GDF6: variants seen among roughly 807,000 people sequenced by gnomAD.
The protein encoded by GDF6 is growth differentiation factor 6.
GDF6 carries 3 observed loss-of-function variants against 32.4 expected under a neutral mutation model. That is an observed-to-expected ratio of 0.09 (90% CI 0.04 to 0.24). The LOEUF (loss-of-function observed/expected upper bound fraction) is 0.24, where lower values mean the gene tolerates loss of function less well. Among genes scored for constraint, GDF6 ranks in the 10% least tolerant of loss-of-function variants. The pLI is 1.00. For missense variants in GDF6, 589 were observed against 637.9 expected, an observed-to-expected ratio of 0.92 and a Z score of 0.83; for synonymous variants, 296 against 295.3, an observed-to-expected ratio of 1.00 and a Z score of -0.03.
chr8:96,159,734 C>G (rs1812727460), intron 1 of GDF6, among the ~76,000 whole-genome samples: 2 of 152,252 alleles, frequency 1.3e-5, no homozygotes, highest in African/African-American at 4.8e-5. Flanking sequence ...CCACCCAGCG[C>G]AGGGACCAAC....
intron 1 of GDF6, among the ~76,000 whole-genome samples, chr8:96,150,917 A>G (rs1179605607): frequency 6.6e-6 from 1 of 152,156 alleles, no homozygotes; most frequent in South Asian, 2.1e-4. Context: ...CATTTTCTCA[A>G]CTAAGTCTCT....
chr8:96,156,222 C>G (rs1812659077), intron 1 of GDF6, among the ~76,000 whole-genome samples: 1 of 152,196 alleles, frequency 6.6e-6, no homozygotes, highest in Non-Finnish European at 1.5e-5. Context: ...TATTTCAAAG[C>G]CATCTGGAAA....
In GDF6 at chr8:96,144,801, T is replaced by C; in HGVS notation, c.1130A>G (p.Glu377Gly). Reference sequence around the variant, plus strand: ...ACCCTCGCAGTGATAGGCCTCGTACTCCAGGGGCGCGATAATCCAGTCGTC... The same window carrying C: ...ACCCTCGCAGTGATAGGCCTCGTACCCCAGGGGCGCGATAATCCAGTCGTC... Reference protein sequence around the residue: ...GWDDWIIAPLEYEAYHCEGVC... With the variant: ...GWDDWIIAPLGYEAYHCEGVC... Residue 377 changes from glutamate (E) to glycine (G), a missense_variant, in exon 2 of 2, where the codon GAG (glutamate) becomes GGG (glycine). Physicochemically the swap from Glu to Gly is moderately conservative, Grantham distance 98. Transcript: ENST00000287020. This position sits in a 1 kb window ranked among gnomAD's most constrained non-coding sequence, Gnocchi z 5.1. The C allele has an allele frequency of 1.9e-6, 3 of 1,614,056 alleles. No individual in the cohort carries two copies. The highest frequency in any genetic ancestry group is 2.5e-6 in the Non-Finnish European group (3 of 1,179,992).
Position 96,145,381 on chromosome 8 carries a change from G to C in GDF6, c.550C>G (p.Leu184Val). ...AGGCAAGGGAAGAGCTGCACGTGGA[G>C]CGGCCCGGCTGGTGGCCCCCAGGGC... ...SAPWGPPAGP[L>V]HVQLFPCLSP... is the part of the protein sequence containing the mutation. The change falls in exon 2 of 2, where the codon CTC (leucine) becomes GTC (valine). Residue 184 changes from leucine (L) to valine (V), a missense_variant. Around this residue, in one of 2 missense-constraint regions of GDF6, gnomAD observed 436 missense variants for 411.2 expected, o/e 1.06. Coordinates refer to ENST00000287020, the MANE Select transcript of GDF6 (RefSeq NM_001001557.4). This position sits in a 1 kb window ranked among gnomAD's most constrained non-coding sequence, Gnocchi z 5.6. The C allele has an allele frequency of 6.4e-7, 1 of 1,570,228 alleles. No individual in the cohort carries two copies. The highest frequency in any genetic ancestry group is 8.6e-7 in the Non-Finnish European group (1 of 1,165,508).
At chr8:96,157,385 G>A (rs1812685599) in intron 1 of GDF6, among the ~76,000 whole-genome samples, 1 of 152,154 alleles carries the variant, frequency 6.6e-6, no homozygotes, top group African/African-American at 2.4e-5. Flanking sequence ...GTGTAACTTT[G>A]GGGTTTCCGG....
chr8:96,142,834 T>C lies in GDF6; in HGVS notation c.*1729A>G, dbSNP rs1812395891. The C allele has an allele frequency of 6.6e-6, 1 of 152,346 alleles. No individual in the cohort carries two copies. The highest frequency in any genetic ancestry group is 2.4e-5 in the African/African-American group (1 of 41,460). 9.4% of individuals were successfully genotyped at this position (152,346 alleles called of 1,614,324 possible). A position where few individuals can be genotyped will look rare whatever the true frequency, so the allele number is the denominator to read the frequency against. The stretch of plus-strand genomic sequence containing the variant: ...AGCATTTCTTATCATCCCCACCCTT[T>C]CTTTGACAGTTTGTAGTTCTCTGAA... On this transcript the variant is annotated 3_prime_UTR_variant, in exon 2 of 2. Transcript: ENST00000287020.
At position 96,160,744 on chromosome 8, in the gene GDF6, G is replaced by T; in HGVS notation, c.-52C>A. ...GGAGGCGGTGGCGGCGGCGCAGGAC[G>T]CGCGGGGCACGGAGCGGCTGGACAG... On this transcript the variant is annotated 5_prime_UTR_variant, in exon 1 of 2. Transcript: ENST00000287020. 6.3e-7 allele frequency: 1 copy of T among 1,589,460 alleles called. No homozygotes were observed.
Position 96,145,207 on chromosome 8 carries a change from C to G in GDF6, c.724G>C (p.Ala242Pro). ...CGCGCGCGCGCCTCGGCCTCCCCGG[C>G]GTCCAGCTCGCCCCATGCGGCCCGC... ...ELRAAWGELD[A>P]GEAEARARGP... Residue 242 changes from alanine to proline, a missense_variant, in exon 2 of 2, where the codon GCC becomes CCC. Physicochemically the swap from Ala to Pro is conservative, Grantham distance 27 (BLOSUM62 -1). Coordinates refer to ENST00000287020, the MANE Select transcript of GDF6 (RefSeq NM_001001557.4). This position sits in a 1 kb window ranked among gnomAD's most constrained non-coding sequence, Gnocchi z 5.6. 1 of 1,502,102 alleles carries G rather than the reference C, an allele frequency of 6.7e-7. No individual in the cohort carries two copies. Among genetic ancestry groups the G allele is most frequent in the Non-Finnish European group, 8.8e-7 (1 of 1,133,310 alleles). 93.0% of individuals were successfully genotyped at this position (1,502,102 alleles called of 1,614,324 possible). A position where few individuals can be genotyped will look rare whatever the true frequency, so the allele number is the denominator to read the frequency against.
chr8:96,159,238 T>C (rs1812720006), intron 1 of GDF6, among the ~76,000 whole-genome samples: 1 of 152,272 alleles, frequency 6.6e-6, no homozygotes, highest in Admixed American at 6.5e-5. Context: ...TTCCTTTCCT[T>C]TTTCTCCCTT....
At position 96,144,289 on chromosome 8, in the gene GDF6, A is replaced by AGAGG. The variant is rs1370445465; in HGVS notation, c.*273_*274insCCTC. The AGAGG allele has an allele frequency of 2.1e-4, 105 of 495,986 alleles. 3 individuals carry two copies. The African/African-American group carries it at 2.3e-3, about 11-fold the overall frequency. The allele number at this position is 495,986 out of a possible 1,614,324, so 30.7% of individuals were successfully genotyped here. A position where few individuals can be genotyped will look rare whatever the true frequency, so the allele number is the denominator to read the frequency against. On this transcript the variant is annotated 3_prime_UTR_variant, in exon 2 of 2. Coordinates refer to ENST00000287020, the MANE Select transcript of GDF6 (RefSeq NM_001001557.4). The surrounding 1 kb of genome is among the most constrained non-coding windows in gnomAD (Gnocchi z 5.1). ...GAGAGAGAGAGAGAGAGAGAGAGAG[A>AGAGG]GAAAACAGAACAAAAGAAATCCTCC...
chr8:96,150,688 G>A (rs1026963955), intron 1 of GDF6, among the ~76,000 whole-genome samples: 6 of 152,202 alleles, frequency 3.9e-5, no homozygotes, highest in Non-Finnish European at 2.9e-5. Flanking sequence ...GTCCTGCAGC[G>A]CAAGAGACAG....
In GDF6 at chr8:96,144,242, A is replaced by AAGAGAGAG. The variant is rs886063199; in HGVS notation, c.*320_*321insCTCTCTCT. ...ACATAAGGAAATCCAAAGCCACAGT[A>AAGAGAGAG]ATAGAGAGAGAGAGAGAGAGAGAGA... On this transcript the variant is annotated 3_prime_UTR_variant, in exon 2 of 2. Transcript: ENST00000287020. The surrounding 1 kb of genome is among the most constrained non-coding windows in gnomAD (Gnocchi z 5.1). The AAGAGAGAG allele has an allele frequency of 2.4e-3, 455 of 190,032 alleles. 7 individuals are homozygous for AAGAGAGAG. Among genetic ancestry groups the AAGAGAGAG allele is most frequent in the African/African-American group, 0.022 (387 of 17,428 alleles). The allele number at this position is 190,032 out of a possible 1,614,324, so 11.8% of individuals were successfully genotyped here.
chr8:96,158,641 C>T (rs994112114), intron 1 of GDF6, among the ~76,000 whole-genome samples: 3 of 152,200 alleles, frequency 2.0e-5, no homozygotes, highest in African/African-American at 4.8e-5. Flanking sequence ...CTCTGAGCTT[C>T]CTTAGCCTCC....
At chr8:96,151,333 A>G (rs1812565599) in intron 1 of GDF6, among the ~76,000 whole-genome samples, 1 of 152,228 alleles carries the variant, frequency 6.6e-6, no homozygotes, top group Admixed American at 6.5e-5. Context: ...GGCATGATCT[A>G]AATTCTTAAC....
rs1370882062 is a variant in GDF6, at chr8:96,145,177, G to A, written c.754C>T (p.Pro252Ser). 2 of 1,498,766 alleles carry A rather than the reference G, an allele frequency of 1.3e-6. No individual in the cohort carries two copies. Among genetic ancestry groups the A allele is most frequent in the East Asian group, 5.4e-5 (2 of 37,038 alleles). 92.8% of individuals were successfully genotyped at this position (1,498,766 alleles called of 1,614,324 possible). The change falls in exon 2 of 2, where the codon CCC becomes TCC. Residue 252 changes from proline to serine, a missense_variant. Physicochemically the swap from Pro to Ser is moderately conservative, Grantham distance 74. Transcript: ENST00000287020. The surrounding 1 kb of genome is among the most constrained non-coding windows in gnomAD (Gnocchi z 5.6). ...AGEAEARARG[P>S]QQPPPPDLRS... is the part of the protein sequence containing the mutation. Reference sequence around the variant, plus strand: ...AGGTCCGGGGGCGGCGGTTGCTGGGGTCCCCGCGCGCGCGCCTCGGCCTCC... The same window carrying A: ...AGGTCCGGGGGCGGCGGTTGCTGGGATCCCCGCGCGCGCGCCTCGGCCTCC...
At chr8:96,148,982 C>A (rs1227067137) in intron 1 of GDF6, among the ~76,000 whole-genome samples, 1 of 152,200 alleles carries the variant, frequency 6.6e-6, no homozygotes, top group Admixed American at 6.5e-5. Context: ...AATACAACAC[C>A]ATGCACTGTT....
In GDF6 at chr8:96,144,205, A is replaced by G; in HGVS notation, c.*358T>C. On this transcript the variant is annotated 3_prime_UTR_variant, in exon 2 of 2. Coordinates refer to ENST00000287020, the MANE Select transcript of GDF6 (RefSeq NM_001001557.4). This position sits in a 1 kb window ranked among gnomAD's most constrained non-coding sequence, Gnocchi z 5.1. The stretch of plus-strand genomic sequence containing the variant: ...CTCTCCTCCCCTCCCCTTCTATCAA[A>G]GCCTGTAAGACACATAAGGAAATCC... 1 of 246,998 alleles carries G rather than the reference A, an allele frequency of 4.0e-6. No individual in the cohort carries two copies. The highest frequency in any genetic ancestry group is 9.9e-5 in the East Asian group (1 of 10,138). 15.3% of individuals were successfully genotyped at this position (246,998 alleles called of 1,614,324 possible).
intron 1 of GDF6, among the ~76,000 whole-genome samples, chr8:96,151,967 G>A (rs1199816877): frequency 6.6e-6 from 1 of 152,182 alleles, no homozygotes; most frequent in African/African-American, 2.4e-5. Flanking sequence ...AGTACATAGA[G>A]ACGTCCAGTG....
At chr8:96,147,908 G>T (rs1812510128) in intron 1 of GDF6, among the ~76,000 whole-genome samples, 1 of 152,190 alleles carries the variant, frequency 6.6e-6, no homozygotes, top group African/African-American at 2.4e-5. Flanking sequence ...GTTTGCCACT[G>T]GCTGGAGTGC....
Sources: gnomAD v4.1 joint callset for allele counts (sites outside exome capture counted in the v4.1 genomes callset) on GRCh38, gnomAD v4.1.1 for gene constraint, gnomAD v4.1.1 regional missense constraint, Gnocchi (gnomAD v3.1) non-coding constraint, MANE v1.5 for transcripts, NCBI Gene and HGNC (gene_info 2026-07-23, HGNC 2026-07-21) for gene names.